The following GRXCR1 variants were observed in gnomAD, a reference collection of about 807,000 sequenced individuals.
The protein encoded by GRXCR1 is glutaredoxin and cysteine rich domain containing 1.
In GRXCR1, 27 loss-of-function variants were observed where a neutral mutation model predicts 27.3. That is an observed-to-expected ratio of 0.99 (90% CI 0.73 to 1.37). The LOEUF (loss-of-function observed/expected upper bound fraction) is 1.37, where lower values mean the gene tolerates loss of function less well. Ranked by LOEUF, GRXCR1 falls within the 40% of genes most tolerant of loss-of-function variation. GRXCR1 has a pLI of 0.00. For missense variants in GRXCR1, 379 were observed against 354.4 expected, an observed-to-expected ratio of 1.07 and a Z score of -0.56; for synonymous variants, 122 against 131.1, an observed-to-expected ratio of 0.93 and a Z score of 0.47.
intron 2 of GRXCR1, among the ~76,000 whole-genome samples, chr4:43,004,463 A>T (rs552458842): frequency 1.3e-5 from 2 of 152,330 alleles, no homozygotes; most frequent in East Asian, 3.9e-4. Flanking sequence ...TCAAAATGGT[A>T]GATCCACTGA....
At chr4:43,019,212 T>C (rs1045142132) in intron 2 of GRXCR1, among the ~76,000 whole-genome samples, 8 of 152,314 alleles carry the variant, frequency 5.3e-5, no homozygotes, top group Admixed American at 2.0e-4. Context: ...TCCTAGCCTA[T>C]CTTTGTTTAT....
chr4:42,899,058 C>G (rs1022871139), intron 1 of GRXCR1, among the ~76,000 whole-genome samples: 2 of 152,100 alleles, frequency 1.3e-5, no homozygotes, highest in African/African-American at 4.8e-5. Context: ...CTTGCACATA[C>G]CATCCTTGGC....
intron 1 of GRXCR1, among the ~76,000 whole-genome samples, chr4:42,932,615 TATATAGAGAGAGAG>T (rs1260233970): frequency 1.3e-3 from 43 of 33,922 alleles, no homozygotes; most frequent in Non-Finnish European, 1.9e-3. Context: ...TATATATATA[TATATAGAGAGAGAG>T]AGAGAGAGAG....
At chr4:42,949,986 C>T (rs1577917512) in intron 1 of GRXCR1, among the ~76,000 whole-genome samples, 1 of 152,220 alleles carries the variant, frequency 6.6e-6, no homozygotes, top group Admixed American at 6.5e-5. Context: ...TATTTCAACC[C>T]GTAAAGTAGA....
intron 3 of GRXCR1, 87 bp downstream of exon 3, chr4:43,020,506 T>C (rs1432998030): frequency 1.2e-6 from 1 of 843,144 alleles, no homozygotes; most frequent in Non-Finnish European, 2.0e-6. Flanking sequence ...TTGAATTCTC[T>C]CTCCCCATGT....
intron 1 of GRXCR1, among the ~76,000 whole-genome samples, chr4:42,955,709 TA>T (rs1747986796): frequency 6.6e-6 from 1 of 152,166 alleles, no homozygotes; most frequent in East Asian, 1.9e-4. Flanking sequence ...TGTTATTTTT[TA>T]TTTATTTAAA....
chr4:42,900,808 G>T (rs1746444477), intron 1 of GRXCR1, among the ~76,000 whole-genome samples: 1 of 152,172 alleles, frequency 6.6e-6, no homozygotes, highest in African/African-American at 2.4e-5. Flanking sequence ...GGGGTCTACA[G>T]ATTGAGGGGA....
intron 2 of GRXCR1, among the ~76,000 whole-genome samples, chr4:43,008,062 A>G (rs1317310905): frequency 1.3e-5 from 2 of 151,954 alleles, no homozygotes; most frequent in Admixed American, 6.5e-5. Flanking sequence ...TCTAGTTTTC[A>G]TTGATTATAT....
intron 2 of GRXCR1, among the ~76,000 whole-genome samples, chr4:43,005,697 G>A (rs951501123): frequency 2.0e-5 from 3 of 152,128 alleles, no homozygotes; most frequent in East Asian, 1.9e-4. Context: ...TCCTTGGAAA[G>A]TGAGACTCCA....
chr4:42,990,402 G>A (rs1054618637), intron 2 of GRXCR1, among the ~76,000 whole-genome samples: 8 of 150,624 alleles, frequency 5.3e-5, no homozygotes, highest in Admixed American at 2.6e-4. Context: ...CGTTTTAGCC[G>A]GGATGGTCTC....
chr4:42,960,028 C>A (rs1352012995), intron 1 of GRXCR1, among the ~76,000 whole-genome samples: 2 of 152,028 alleles, frequency 1.3e-5, no homozygotes, highest in Middle Eastern at 3.4e-3. Context: ...TCCAACGTGG[C>A]TACCCGATAG....
chr4:42,963,079 G>A lies in GRXCR1; in HGVS notation c.572G>A (p.Arg191Gln). The change falls in exon 2 of 4, where the codon CGA (arginine) becomes CAA (glutamine). Residue 191 changes from arginine (R) to glutamine (Q), a missense_variant. Coordinates refer to ENST00000399770, the MANE Select transcript of GRXCR1 (RefSeq NM_001080476.3). ...AAAGAGTTAGACGAACGATGCCGAC[G>A]AGTTTCTGAAGCTCCTTCCCTCCCT... ...YGKELDERCR[R>Q]VSEAPSLPVV... is the part of the protein sequence containing the mutation. The A allele has an allele frequency of 2.5e-6, 4 of 1,612,748 alleles. No individual in the cohort carries two copies. The highest frequency in any genetic ancestry group is 2.2e-5 in the East Asian group (1 of 44,844).
chr4:42,908,303 G>A (rs1043616553), intron 1 of GRXCR1, among the ~76,000 whole-genome samples: 1 of 152,130 alleles, frequency 6.6e-6, no homozygotes, highest in Admixed American at 6.6e-5. Flanking sequence ...TAGTTGTAAC[G>A]GTCTGGTAGG....
rs561267772 is a variant in GRXCR1 at position 43,013,445 on chromosome 4, A to G, written c.628-6909A>G. On this transcript the variant is annotated intron_variant, in intron 2 of 3. Coordinates refer to ENST00000399770, the MANE Select transcript of GRXCR1 (RefSeq NM_001080476.3). ...AGCTAAACTTTGGGTACTCATGGAC[A>G]TAAAGATGGCAACAATAGACAACTG... 9.2e-5 allele frequency among the ~76,000 whole-genome samples: 14 copies of G among 152,276 alleles called. No individual in the cohort carries two copies. The South Asian group carries it at 2.9e-3, about 32-fold the overall frequency.
At chr4:42,926,086 G>A (rs1374173861) in intron 1 of GRXCR1, among the ~76,000 whole-genome samples, 1 of 151,976 alleles carries the variant, frequency 6.6e-6, no homozygotes, top group Non-Finnish European at 1.5e-5. Context: ...CGACTAATAT[G>A]TTTCCTGCTA....
intron 2 of GRXCR1, among the ~76,000 whole-genome samples, chr4:43,007,265 G>T (rs2109800331): frequency 6.6e-6 from 1 of 152,248 alleles, no homozygotes; most frequent in Non-Finnish European, 1.5e-5. Context: ...ATGCTTTAAT[G>T]CAAGAAGGAG....
intron 1 of GRXCR1, among the ~76,000 whole-genome samples, chr4:42,943,059 A>T (rs12499034): frequency 0.17 from 25,796 of 152,036 alleles, 2,254 homozygotes; most frequent in South Asian, 0.21. Flanking sequence ...GAATCGCATT[A>T]TCAGTTTGGG....
At chr4:42,934,421 A>G (rs529869608) in intron 1 of GRXCR1, among the ~76,000 whole-genome samples, 23 of 151,688 alleles carry the variant, frequency 1.5e-4, no homozygotes, top group Non-Finnish European at 1.9e-4. Context: ...ACACTCACAG[A>G]GTTTCTCTCT....
intron 1 of GRXCR1, among the ~76,000 whole-genome samples, chr4:42,937,705 A>G (rs1747492132): frequency 6.6e-6 from 1 of 151,992 alleles, no homozygotes; most frequent in Admixed American, 6.6e-5. Flanking sequence ...CTTGGCTCCC[A>G]TCACCCATCA....
Sources: gnomAD v4.1 joint callset for allele counts (sites outside exome capture counted in the v4.1 genomes callset) on GRCh38, gnomAD v4.1.1 for gene constraint, MANE v1.5 for transcripts, NCBI Gene and HGNC (gene_info 2026-07-23, HGNC 2026-07-21) for gene names.